The following NSUN6 variants were observed in gnomAD, a reference collection of about 807,000 sequenced individuals.
NSUN6 encodes tRNA (cytosine(72)-C(5))-methyltransferase NSUN6.
NSUN6 carries 64 observed loss-of-function variants against 58.0 expected under a neutral mutation model. The observed-to-expected ratio is 1.10, with a 90% CI of 0.90 to 1.36. The LOEUF is 1.36. Among genes scored for constraint, NSUN6 ranks in the 40% most tolerant of loss-of-function variants. The pLI, the probability that NSUN6 is intolerant of heterozygous loss-of-function variation, is 0.00. For missense variants in NSUN6, 701 were observed against 550.1 expected (o/e 1.27, Z -2.74); for synonymous variants, 231 against 193.9 (o/e 1.19, Z -1.59).
chr10:18,574,905 G>A (rs928932488), intron 8 of NSUN6, among the ~76,000 whole-genome samples: 2 of 152,070 alleles, frequency 1.3e-5, no homozygotes, highest in African/African-American at 4.8e-5. Flanking sequence ...TTTGAAAGTC[G>A]AGGAAATAAC....
At chr10:18,600,803 C>A (rs1466967654) in intron 6 of NSUN6, among the ~76,000 whole-genome samples, 1 of 150,534 alleles carries the variant, frequency 6.6e-6, no homozygotes, top group Non-Finnish European at 1.5e-5. Context: ...TGGCACACAC[C>A]TGTAAGCACA....
chr10:18,574,171 T>C (rs990535091), intron 8 of NSUN6, among the ~76,000 whole-genome samples: 3 of 152,058 alleles, frequency 2.0e-5, no homozygotes, highest in African/African-American at 7.2e-5. Flanking sequence ...ACCCAGTCAC[T>C]TGTGGATGGC....
chr10:18,602,270 G>A (rs1419969276), intron 6 of NSUN6, among the ~76,000 whole-genome samples: 4 of 150,024 alleles, frequency 2.7e-5, no homozygotes, highest in African/African-American at 9.8e-5. Flanking sequence ...TTGAGACGGA[G>A]TCTTGCTCTG....
chr10:18,620,502 C>T (rs2058568605), intron 3 of NSUN6, among the ~76,000 whole-genome samples: 1 of 152,160 alleles, frequency 6.6e-6, no homozygotes, highest in African/African-American at 2.4e-5. Flanking sequence ...CACCCATCCC[C>T]CAACTCTGAA....
chr10:18,658,138 G>A (rs2059798203), upstream of NSUN6: 1 of 152,140 alleles, frequency 6.6e-6, no homozygotes, highest in South Asian at 2.1e-4. Context: ...TCACATTTAT[G>A]GTCCAACTGA....
intron 3 of NSUN6, among the ~76,000 whole-genome samples, chr10:18,618,730 A>T (rs1354404221): frequency 6.6e-6 from 1 of 150,872 alleles, no homozygotes; most frequent in East Asian, 1.9e-4. Context: ...TCATGACTCA[A>T]TTTCACTTTC....
intron 3 of NSUN6, among the ~76,000 whole-genome samples, chr10:18,630,881 G>A (rs1444001135): frequency 1.3e-5 from 2 of 151,918 alleles, no homozygotes; most frequent in African/African-American, 4.8e-5. Context: ...GAAAAAGAGG[G>A]AATCCTCCCT....
chr10:18,625,607 G>A (rs534542746), intron 3 of NSUN6, among the ~76,000 whole-genome samples: 9 of 151,382 alleles, frequency 5.9e-5, no homozygotes, highest in Admixed American at 2.0e-4. Context: ...CAGCTACTCC[G>A]GAGGGTGAGG....
intron 6 of NSUN6, among the ~76,000 whole-genome samples, chr10:18,603,167 G>A (rs768871242): frequency 6.6e-5 from 10 of 152,072 alleles, no homozygotes; most frequent in African/African-American, 1.9e-4. Context: ...GTTGACTCAC[G>A]CCTGTAATCC....
At chr10:18,566,371 C>G (rs1010891113) in intron 8 of NSUN6, among the ~76,000 whole-genome samples, 5 of 151,376 alleles carry the variant, frequency 3.3e-5, no homozygotes, top group African/African-American at 1.2e-4. Flanking sequence ...ACTCCACATT[C>G]CATTCCATTC....
At chr10:18,636,693 A>G (rs1036714354) in intron 3 of NSUN6, among the ~76,000 whole-genome samples, 4 of 152,172 alleles carry the variant, frequency 2.6e-5, no homozygotes, top group Middle Eastern at 3.4e-3. Context: ...GGAGTTCGAG[A>G]CCAGCCTGGC....
intron 6 of NSUN6, among the ~76,000 whole-genome samples, chr10:18,606,860 C>T (rs371387824): frequency 5.3e-5 from 8 of 152,058 alleles, no homozygotes; most frequent in African/African-American, 1.4e-4. Flanking sequence ...TCTTGGTCAA[C>T]GGTGTTATTA....
intron 9 of NSUN6, among the ~76,000 whole-genome samples, chr10:18,550,390 G>T (rs1472156723): frequency 1.3e-5 from 2 of 152,168 alleles, no homozygotes; most frequent in Admixed American, 1.3e-4. Flanking sequence ...CAGGAGAGTT[G>T]AATCAGAATG....
chr10:18,641,007 T>C (rs1473530161), intron 3 of NSUN6, among the ~76,000 whole-genome samples: 3 of 152,144 alleles, frequency 2.0e-5, no homozygotes, highest in African/African-American at 7.2e-5. Context: ...TAAATATACA[T>C]AAATCCACAG....
rs2054216698 is a variant in NSUN6, at chr10:18,545,839, T to C, written c.*94A>G. 1.3e-6 allele frequency: 1 copy of C among 741,068 alleles called. No individual in the cohort carries two copies. Among genetic ancestry groups the C allele is most frequent in the Non-Finnish European group, 2.3e-6 (1 of 435,834 alleles). The allele number at this position is 741,068 out of a possible 1,614,324, so 45.9% of individuals were successfully genotyped here. A position where few individuals can be genotyped will look rare whatever the true frequency, so the allele number is the denominator to read the frequency against. On this transcript the variant is annotated 3_prime_UTR_variant, in exon 11 of 11. Coordinates refer to ENST00000377304, the MANE Select transcript of NSUN6 (RefSeq NM_182543.5). ...TTCTGTTTCCATAGCAACCACATCA[T>C]CATTCAGTTGGCCTGACAACACTTT... is the stretch of plus-strand genomic sequence containing the variant.
intron 8 of NSUN6, among the ~76,000 whole-genome samples, chr10:18,556,797 GGAGAC>G (rs1257264015): frequency 6.6e-6 from 1 of 151,222 alleles, no homozygotes; most frequent in Non-Finnish European, 1.5e-5. Flanking sequence ...GGAATGGAAT[GGAGAC>G]TGAACTGAAA....
upstream of NSUN6, chr10:18,651,824 G>T (rs1021867811): frequency 1.6e-5 from 16 of 985,432 alleles, no homozygotes; most frequent in East Asian, 8.0e-4. Context: ...AAGATATTTA[G>T]TTCCCGGTAC....
intron 9 of NSUN6, among the ~76,000 whole-genome samples, chr10:18,550,293 G>A (rs1197578538): frequency 2.0e-5 from 3 of 152,128 alleles, no homozygotes; most frequent in Admixed American, 1.3e-4. Flanking sequence ...TTTTAATTCT[G>A]AGGATGAGTT....
At chr10:18,650,617 G>T (rs1404239323) in intron 1 of NSUN6, among the ~76,000 whole-genome samples, 2 of 152,148 alleles carry the variant, frequency 1.3e-5, no homozygotes, top group East Asian at 3.8e-4. Context: ...TTACTTGATA[G>T]CTGTGTCAAC....
Sources: allele counts gnomAD v4.1 joint callset (sites outside exome capture counted in the v4.1 genomes callset), GRCh38; gene constraint gnomAD v4.1.1; transcripts MANE v1.5; gene names NCBI Gene and HGNC (gene_info 2026-07-23, HGNC 2026-07-21).